TSC22D1: variants seen among roughly 807,000 people sequenced by gnomAD.
The protein encoded by TSC22D1 is TSC22 domain family member 1, also known as TSC22 domain family protein 1.
Under a neutral mutation model 74.2 loss-of-function variants are expected in TSC22D1, and 9 were observed. That is an observed-to-expected ratio of 0.12 (90% CI 0.07 to 0.21). TSC22D1 has a LOEUF of 0.21. TSC22D1 is among the 10% of genes least tolerant of loss of function. TSC22D1 has a pLI of 1.00. For synonymous variants in TSC22D1, 586 were observed against 492.5 expected (o/e 1.19, Z -2.51); for missense variants, 1,427 against 1,304.7 (o/e 1.09, Z -1.44).
chr13:44,474,652 A>T (rs1384727294), intron 1 of TSC22D1, among the ~76,000 whole-genome samples: 1 of 152,022 alleles, frequency 6.6e-6, no homozygotes, highest in Admixed American at 6.6e-5. Flanking sequence ...GCAAGAATGG[A>T]AGGAAGGAGA....
chr13:44,535,084 T>C (rs573971612), intron 1 of TSC22D1, among the ~76,000 whole-genome samples: 16 of 152,294 alleles, frequency 1.1e-4, no homozygotes, highest in African/African-American at 3.8e-4. Flanking sequence ...AAATTTGTGG[T>C]TTATCAATTT....
In TSC22D1 at chr13:44,575,946, T is replaced by C. The variant is rs1003409859; in HGVS notation, c.129A>G (p.Ala43=). Residue 43 remains alanine, a synonymous_variant, in exon 1 of 3, where the codon GCA becomes GCG. Transcript: ENST00000458659. ...SGSGSASALN[A]AGTGVGSNAT... The stretch of plus-strand genomic sequence containing the variant: ...CATTACTACCGACGCCGGTACCTGC[T>C]GCATTGAGAGCAGAGGCGCTGCCAC... The C allele has an allele frequency of 2.9e-5, 47 of 1,610,998 alleles. No individual in the cohort carries two copies. Among genetic ancestry groups the C allele is most frequent in the Non-Finnish European group, 3.7e-5 (44 of 1,178,914 alleles).
intron 1 of TSC22D1, chr13:44,538,100 T>C (rs1425327922): frequency 8.1e-6 from 8 of 985,208 alleles, no homozygotes; most frequent in Non-Finnish European, 8.4e-6. Context: ...CCTTCACACC[T>C]ACAGGCTTAT....
At chr13:44,435,793 C>G (rs1874550190) in intron 2 of TSC22D1, 6 of 541,932 alleles carry the variant, frequency 1.1e-5, no homozygotes, top group Admixed American at 1.0e-4. Flanking sequence ...AAAGGGTCAC[C>G]GTGAGAAAAT....
chr13:44,443,779 G>T (rs138719789), intron 1 of TSC22D1, among the ~76,000 whole-genome samples: 1 of 152,144 alleles, frequency 6.6e-6, no homozygotes, highest in Non-Finnish European at 1.5e-5. Flanking sequence ...ATAGAACAAC[G>T]GCTAAGAAGG....
chr13:44,490,916 A>G (rs1404687874), intron 1 of TSC22D1, among the ~76,000 whole-genome samples: 1 of 147,514 alleles, frequency 6.8e-6, no homozygotes, highest in Admixed American at 6.9e-5. Context: ...AAAAAAAATG[A>G]AACTCCGTCT....
chr13:44,433,825 T>C lies in TSC22D1; in HGVS notation c.*801A>G. ...CAAATTCTTAAAATTTCTTTAGGTG[T>C]GGTTTTTGTCATGTAGCAGTTTTTA... On this transcript the variant is annotated 3_prime_UTR_variant, in exon 3 of 3. Transcript: ENST00000458659. 1.6e-6 allele frequency: 1 copy of C among 623,296 alleles called. No individual in the cohort carries two copies. The highest frequency in any genetic ancestry group is 2.5e-6 in the Non-Finnish European group (1 of 395,950). 38.6% of individuals were successfully genotyped at this position (623,296 alleles called of 1,614,324 possible).
intron 1 of TSC22D1, among the ~76,000 whole-genome samples, chr13:44,490,365 T>C (rs900778268): frequency 6.6e-6 from 1 of 151,896 alleles, no homozygotes; most frequent in Non-Finnish European, 1.5e-5. Context: ...TAAGTTTTTT[T>C]TTTTTTTTTC....
intron 2 of TSC22D1, chr13:44,435,195 G>T (rs1466958942): frequency 8.2e-6 from 2 of 244,974 alleles, no homozygotes; most frequent in Non-Finnish European, 1.5e-5. Flanking sequence ...CAGCGGGGAC[G>T]TCCAAGCCAC....
intron 1 of TSC22D1, among the ~76,000 whole-genome samples, chr13:44,445,433 A>G (rs1875558666): frequency 6.6e-6 from 1 of 152,186 alleles, no homozygotes. Flanking sequence ...AACTTCTATA[A>G]GAAAACATAA....
At chr13:44,552,123 C>A (rs1280126949) in intron 1 of TSC22D1, among the ~76,000 whole-genome samples, 3 of 152,146 alleles carry the variant, frequency 2.0e-5, no homozygotes, top group Non-Finnish European at 2.9e-5. Flanking sequence ...CCTAATTTAC[C>A]TGTATATCTT....
At chr13:44,517,846 TATA>T (rs1880106880) in intron 1 of TSC22D1, among the ~76,000 whole-genome samples, 4 of 29,010 alleles carry the variant, frequency 1.4e-4, no homozygotes, top group Non-Finnish European at 2.3e-4. Flanking sequence ...TATATATATA[TATA>T]TATATATATT....
rs752062276 is a variant in TSC22D1 at position 44,574,399 on chromosome 13, T to C, written c.1676A>G (p.Lys559Arg). Residue 559 changes from lysine (K) to arginine (R), a missense_variant, in exon 1 of 3, where the codon AAG becomes AGG. Lys to Arg is a conservative substitution (Grantham distance 26). Coordinates refer to ENST00000458659, the MANE Select transcript of TSC22D1 (RefSeq NM_183422.4). Reference sequence around the variant, plus strand: ...CAGAGGTACTGGCTGAAGACCTTGCTTTTGCTGATAGCTCAGTTCTTGAGA... The same window carrying C: ...CAGAGGTACTGGCTGAAGACCTTGCCTTTGCTGATAGCTCAGTTCTTGAGA... ...LQSQELSYQQKQGLQPVPLQA... is the reference protein window; with the variant it reads ...LQSQELSYQQRQGLQPVPLQA... 17 of 1,614,244 alleles carry C rather than the reference T, an allele frequency of 1.1e-5. No homozygotes were observed. The South Asian group carries it at 1.8e-4, about 17-fold the overall frequency.
intron 1 of TSC22D1, among the ~76,000 whole-genome samples, chr13:44,509,973 C>CAAAAAAAAAAAAAAAAAAAAAA (rs1879631140): frequency 1.1e-5 from 1 of 93,302 alleles, no homozygotes; most frequent in African/African-American, 4.2e-5. Context: ...AAAAAAAAAG[C>CAAAAAAAAAAAAAAAAAAAAAA]TAAAAAAAAA....
intron 1 of TSC22D1, among the ~76,000 whole-genome samples, chr13:44,570,363 G>GT (rs1026274759): frequency 1.3e-5 from 2 of 151,696 alleles, no homozygotes; most frequent in Admixed American, 1.3e-4. Context: ...GCTAATTTTT[G>GT]TATTTTTTTG....
intron 1 of TSC22D1, among the ~76,000 whole-genome samples, chr13:44,517,808 T>C (rs1322383258): frequency 3.2e-5 from 2 of 62,778 alleles, no homozygotes; most frequent in South Asian, 5.0e-4. Flanking sequence ...TACACACATA[T>C]ATATGTGTGT....
intron 1 of TSC22D1, among the ~76,000 whole-genome samples, chr13:44,477,635 T>C (rs1024431131): frequency 6.9e-6 from 1 of 144,282 alleles, no homozygotes; most frequent in Non-Finnish European, 1.5e-5. Flanking sequence ...AATGTGCTCA[T>C]AGATTTTTTT....
chr13:44,524,081 T>C (rs1880439797), intron 1 of TSC22D1, among the ~76,000 whole-genome samples: 1 of 152,114 alleles, frequency 6.6e-6, no homozygotes, highest in Non-Finnish European at 1.5e-5. Flanking sequence ...TGCATGAAAC[T>C]TAGTAGATCC....
chr13:44,518,999 G>T (rs1880180018), intron 1 of TSC22D1, among the ~76,000 whole-genome samples: 1 of 152,162 alleles, frequency 6.6e-6, no homozygotes, highest in Non-Finnish European at 1.5e-5. Context: ...TGAAAGGCCT[G>T]AAACAGTGGA....
Sources: gnomAD v4.1 joint callset for allele counts (sites outside exome capture counted in the v4.1 genomes callset) on GRCh38, gnomAD v4.1.1 for gene constraint, MANE v1.5 for transcripts, NCBI Gene and HGNC (gene_info 2026-07-23, HGNC 2026-07-21) for gene names.